USP38: variants seen among roughly 807,000 people sequenced by gnomAD.
USP38 encodes the protein ubiquitin specific peptidase 38, also known as ubiquitin carboxyl-terminal hydrolase 38.
A neutral mutation model predicts 94.3 loss-of-function variants in USP38; 49 were observed. The observed-to-expected ratio is 0.52, with a 90% CI of 0.41 to 0.66. USP38 has a LOEUF of 0.66. USP38 is among the 30% of genes least tolerant of loss of function. The pLI, the probability that USP38 is intolerant of heterozygous loss-of-function variation, is 0.00. For synonymous variants in USP38, 468 were observed against 463.6 expected, an observed-to-expected ratio of 1.01 and a Z score of -0.12; for missense variants, 1,128 against 1,229.4, an observed-to-expected ratio of 0.92 and a Z score of 1.23.
At chr4:143,190,543 G>T (rs569565558) in intron 2 of USP38, among the ~76,000 whole-genome samples, 1 of 152,018 alleles carries the variant, frequency 6.6e-6, no homozygotes, top group Non-Finnish European at 1.5e-5. Flanking sequence ...CCTGATGTTG[G>T]TGTTTATTTT....
intron 2 of USP38, among the ~76,000 whole-genome samples, chr4:143,191,468 C>T (rs1224888770): frequency 6.6e-6 from 1 of 152,150 alleles, no homozygotes; most frequent in Non-Finnish European, 1.5e-5. Context: ...ATGTTTAAAA[C>T]ATTGGAACAA....
intron 7 of USP38, among the ~76,000 whole-genome samples, chr4:143,211,863 A>G (rs1032636508): frequency 1.3e-5 from 2 of 152,222 alleles, no homozygotes; most frequent in African/African-American, 4.8e-5. Flanking sequence ...TGCCTAAAGT[A>G]GGTATGCATG....
intron 2 of USP38, among the ~76,000 whole-genome samples, chr4:143,189,155 T>C (rs1176517599): frequency 1.3e-5 from 2 of 151,944 alleles, no homozygotes; most frequent in Non-Finnish European, 2.9e-5. Context: ...AGTGAAGACA[T>C]GAAGGATGTG....
intron 6 of USP38, among the ~76,000 whole-genome samples, chr4:143,208,678 G>C (rs1245731714): frequency 1.3e-5 from 2 of 151,270 alleles, no homozygotes; most frequent in Admixed American, 6.6e-5. Flanking sequence ...TTTTCATGTT[G>C]CTTTATATAT....
intron 6 of USP38, among the ~76,000 whole-genome samples, chr4:143,206,779 G>A (rs537146250): frequency 1.3e-5 from 2 of 152,286 alleles, no homozygotes; most frequent in African/African-American, 4.8e-5. Flanking sequence ...GAGTTTAAGT[G>A]TGCTAGAGTA....
Position 143,220,969 on chromosome 4 carries a change from T to G in USP38, c.*513T>G, listed in dbSNP as rs931077147. ...GGCAATAACAAAATTTATCAAGATATAGTACTTTTCAGTTTTTGTTTAGTG... is the reference window on the plus strand; with the variant it reads ...GGCAATAACAAAATTTATCAAGATAGAGTACTTTTCAGTTTTTGTTTAGTG... On this transcript the variant is annotated 3_prime_UTR_variant, in exon 10 of 10. Transcript: ENST00000307017. 6.6e-6 allele frequency: 1 copy of G among 152,406 alleles called. No homozygotes were observed. The highest frequency in any genetic ancestry group is 6.6e-5 in the Admixed American group (1 of 15,260). The allele number at this position is 152,406 out of a possible 1,614,324, so 9.4% of individuals were successfully genotyped here.
chr4:143,200,109 T>C (rs1731669355), intron 4 of USP38, among the ~76,000 whole-genome samples: 1 of 152,132 alleles, frequency 6.6e-6, no homozygotes, highest in Non-Finnish European at 1.5e-5. Context: ...GTTTTACATT[T>C]AAGTCTTATC....
At chr4:143,201,740 GA>G (rs200037190) in intron 4 of USP38, among the ~76,000 whole-genome samples, 2 of 151,496 alleles carry the variant, frequency 1.3e-5, no homozygotes, top group East Asian at 1.9e-4. Flanking sequence ...AATGGAGAAA[GA>G]AAAAAAATCA....
rs769388457 is a variant in USP38 at position 143,185,497 on chromosome 4, C to A, written c.47C>A (p.Pro16His). Residue 16 changes from proline (P) to histidine (H), a missense_variant, in exon 1 of 10, where the codon CCC becomes CAC. Transcript: ENST00000307017. ...EGLVSSSHPL[P>H]LKRVIVRKVV... Reference sequence around the variant, plus strand: ...CTTGTGAGTTCCTCGCATCCCCTGCCCCTCAAGCGGGTGATTGTGCGGAAG... The same window carrying A: ...CTTGTGAGTTCCTCGCATCCCCTGCACCTCAAGCGGGTGATTGTGCGGAAG... 1 of 1,608,328 alleles carries A rather than the reference C, an allele frequency of 6.2e-7. No individual in the cohort carries two copies. Among genetic ancestry groups the A allele is most frequent in the Non-Finnish European group, 8.5e-7 (1 of 1,176,712 alleles).
chr4:143,197,779 T>C (rs1731593419), intron 3 of USP38, 44 bp from the exon 4 acceptor site: 12 of 1,401,874 alleles, frequency 8.6e-6, no homozygotes, highest in Non-Finnish European at 1.2e-5. Context: ...GGATTAATGA[T>C]TTTCCTGCAA....
chr4:143,204,425 T>C (rs1340261445), intron 5 of USP38: 1 of 451,628 alleles, frequency 2.2e-6, no homozygotes, highest in Non-Finnish European at 4.4e-6. Context: ...AGTCTTGCTC[T>C]GTTGCCCAGG....
chr4:143,210,586 C>CAA (rs540768498), intron 7 of USP38, among the ~76,000 whole-genome samples: 14 of 133,106 alleles, frequency 1.1e-4, no homozygotes, highest in African/African-American at 3.3e-4. Flanking sequence ...GCCCCTGTCT[C>CAA]AAAAAAAAAA....
At chr4:143,203,676 T>C in intron 5 of USP38, 110 bp downstream of exon 5, 1 of 1,172,438 alleles carries the variant, frequency 8.5e-7, no homozygotes, top group Non-Finnish European at 1.2e-6. Context: ...TGCTTTTTAT[T>C]TGAAAAATGC....
rs1462839887 is a variant in USP38 at position 143,222,939 on chromosome 4, T to C, written c.*2483T>C. Reference sequence around the variant, plus strand: ...GACTGAGTAGAGTACTATTGTTGTTTTTCTTTCCTTAGTCAGAGTAATCAG... The same window carrying C: ...GACTGAGTAGAGTACTATTGTTGTTCTTCTTTCCTTAGTCAGAGTAATCAG... On this transcript the variant is annotated 3_prime_UTR_variant, in exon 10 of 10. Transcript: ENST00000307017. 1 of 152,128 alleles carries C rather than the reference T, an allele frequency of 6.6e-6. No homozygotes were observed. The highest frequency in any genetic ancestry group is 2.4e-5 in the African/African-American group (1 of 41,430). The allele number at this position is 152,128 out of a possible 1,614,324, so 9.4% of individuals were successfully genotyped here.
intron 8 of USP38, among the ~76,000 whole-genome samples, chr4:143,212,958 T>A (rs1010468837): frequency 1.3e-5 from 2 of 152,154 alleles, no homozygotes; most frequent in African/African-American, 4.8e-5. Context: ...TTTTCTCAGT[T>A]CTGACAGTAA....
intron 4 of USP38, among the ~76,000 whole-genome samples, chr4:143,203,129 A>C (rs1050451489): frequency 6.6e-6 from 1 of 152,128 alleles, no homozygotes; most frequent in Non-Finnish European, 1.5e-5. Flanking sequence ...GAATGGTGGC[A>C]ATGACTAAGA....
chr4:143,199,478 T>TA (rs200662465), intron 4 of USP38, among the ~76,000 whole-genome samples: 1,927 of 152,310 alleles, frequency 0.013, 27 homozygotes, highest in Non-Finnish European at 0.019. Flanking sequence ...TAGAATGATT[T>TA]ATATTCCTCT....
Position 143,206,777 on chromosome 4 carries a change from G to A in USP38, c.1403+551G>A, listed in dbSNP as rs1445533965. Among the ~76,000 whole-genome samples the A allele has an allele frequency of 2.6e-5, 4 of 152,170 alleles. No individual in the cohort carries two copies. In the East Asian group the frequency reaches 7.7e-4, roughly 29 times the overall value. ...GAAATTACTATTCCAAAGAGTTTAA[G>A]TGTGCTAGAGTACTTCATTGTTGTT... On this transcript the variant is annotated intron_variant, in intron 6 of 9. Coordinates refer to ENST00000307017, the MANE Select transcript of USP38 (RefSeq NM_032557.6).
At chr4:143,210,948 G>T (rs1304770897) in intron 7 of USP38, among the ~76,000 whole-genome samples, 3 of 151,984 alleles carry the variant, frequency 2.0e-5, no homozygotes, top group Admixed American at 6.6e-5. Flanking sequence ...TCTGGGGAAA[G>T]TATGTTCACA....
Sources: gnomAD v4.1 joint callset for allele counts (sites outside exome capture counted in the v4.1 genomes callset) on GRCh38, gnomAD v4.1.1 for gene constraint, MANE v1.5 for transcripts, NCBI Gene and HGNC (gene_info 2026-07-23, HGNC 2026-07-21) for gene names.